PARVB: variants seen among roughly 807,000 people sequenced by gnomAD.
The protein encoded by PARVB is parvin beta.
A neutral mutation model predicts 47.0 loss-of-function variants in PARVB; 46 were observed. The ratio of observed to expected loss-of-function variants is 0.98; its 90% CI spans 0.77 to 1.25. The LOEUF (loss-of-function observed/expected upper bound fraction) is 1.25. Among genes scored for constraint, PARVB ranks in the 50% most tolerant of loss-of-function variants. PARVB has a pLI of 0.00. For synonymous variants in PARVB, 196 were observed against 196.3 expected (o/e 1.00, Z 0.01); for missense variants, 473 against 471.6 (o/e 1.00, Z -0.03).
chr22:44,087,108 T>C (rs1363548386), intron 1 of PARVB: 1 of 152,276 alleles, frequency 6.6e-6, no homozygotes, highest in Non-Finnish European at 1.5e-5. Flanking sequence ...GGTTAAGTGT[T>C]TAAAACTGGG....
intron 2 of PARVB, among the ~76,000 whole-genome samples, chr22:44,010,824 A>G (rs1293094945): frequency 6.6e-6 from 1 of 152,092 alleles, no homozygotes; most frequent in Non-Finnish European, 1.5e-5. Flanking sequence ...ACATATGAAA[A>G]TTATGTGAAA....
At chr22:44,122,632 C>T (rs1179926485) in intron 4 of PARVB, among the ~76,000 whole-genome samples, 1 of 150,150 alleles carries the variant, frequency 6.7e-6, no homozygotes, top group Non-Finnish European at 1.5e-5. Context: ...TTCTCTCCCA[C>T]GTATACACTC....
Position 44,136,528 on chromosome 22 carries a change from C to A in PARVB, c.692+10C>A. On this transcript the variant is annotated intron_variant, in intron 7 of 12. Transcript: ENST00000338758. Reference sequence around the variant, plus strand: ...TGACCACAACTACAGAGTAAGTGGACCCCTGTCTTGCCCTTCCAGGCCCTG... The same window carrying A: ...TGACCACAACTACAGAGTAAGTGGAACCCTGTCTTGCCCTTCCAGGCCCTG... 1 of 1,612,432 alleles carries A rather than the reference C, an allele frequency of 6.2e-7. No homozygotes were observed. Among genetic ancestry groups the A allele is most frequent in the South Asian group, 1.1e-5 (1 of 91,028 alleles).
At chr22:44,020,524 T>G (rs2146868544), upstream of PARVB, among the ~76,000 whole-genome samples, 1 of 152,316 alleles carries the variant, frequency 6.6e-6, no homozygotes, top group African/African-American at 2.4e-5. Flanking sequence ...GTTCTGCCTG[T>G]GCTTCTGACT....
intron 1 of PARVB, among the ~76,000 whole-genome samples, chr22:44,090,657 C>A (rs1188734897): frequency 6.6e-6 from 1 of 152,250 alleles, no homozygotes; most frequent in Non-Finnish European, 1.5e-5. Flanking sequence ...TGCCAGCTCT[C>A]GGGCCTTGCC....
At chr22:44,072,821 G>T (rs75241189) in intron 1 of PARVB, among the ~76,000 whole-genome samples, 2 of 152,056 alleles carry the variant, frequency 1.3e-5, no homozygotes, top group African/African-American at 4.8e-5. Context: ...ACAAGTTTCC[G>T]TCATGAATAA....
At chr22:44,120,310 T>A (rs979674780) in intron 4 of PARVB, among the ~76,000 whole-genome samples, 1 of 152,232 alleles carries the variant, frequency 6.6e-6, no homozygotes, top group African/African-American at 2.4e-5. Flanking sequence ...GAATCACACA[T>A]GAACGTTTGT....
intron 2 of PARVB, among the ~76,000 whole-genome samples, chr22:44,017,954 T>C (rs760292670): frequency 6.6e-6 from 1 of 152,184 alleles, no homozygotes; most frequent in Non-Finnish European, 1.5e-5. Context: ...TGTGACATTG[T>C]GTGTGCTTCT....
chr22:44,112,410 A>C (rs2052721619), intron 3 of PARVB: 1 of 151,842 alleles, frequency 6.6e-6, no homozygotes, highest in Non-Finnish European at 1.5e-5. Flanking sequence ...CCCTCCCCCC[A>C]CTCCTGTCAC....
Position 44,049,297 on chromosome 22 carries a change from G to A in PARVB, c.112+24846G>A, listed in dbSNP as rs1314416567. On this transcript the variant is annotated intron_variant, in intron 1 of 12. Coordinates refer to ENST00000338758, the MANE Select transcript of PARVB (RefSeq NM_013327.5). This position sits in a 1 kb window ranked among gnomAD's most constrained non-coding sequence, Gnocchi z 4.0. ...AGAATGAACAATACCCATAGTGCTT[G>A]GCGTAGACAATCAGCAAAGCTAGGG... Among the ~76,000 whole-genome samples the A allele has an allele frequency of 6.6e-6, 1 of 152,120 alleles. No homozygotes were observed. The highest frequency in any genetic ancestry group is 2.4e-5 in the African/African-American group (1 of 41,422).
chr22:44,031,617 A>T (rs2050828493), intron 1 of PARVB: 2 of 151,490 alleles, frequency 1.3e-5, no homozygotes, highest in Admixed American at 6.6e-5. Context: ...CAAACCTCCC[A>T]GCAGAGTCAG....
intron 1 of PARVB, among the ~76,000 whole-genome samples, chr22:44,073,995 C>T (rs1425085913): frequency 6.6e-6 from 1 of 152,238 alleles, no homozygotes; most frequent in East Asian, 1.9e-4. Flanking sequence ...CGCCGTGGGG[C>T]AGGCTGCTGG....
chr22:44,100,782 C>A (rs533434111), intron 3 of PARVB, among the ~76,000 whole-genome samples: 6 of 152,222 alleles, frequency 3.9e-5, no homozygotes, highest in Admixed American at 6.5e-5. Flanking sequence ...TTGCTCTGAT[C>A]GAAACCACGG....
At chr22:44,078,124 C>T (rs1020441499) in intron 1 of PARVB, among the ~76,000 whole-genome samples, 2 of 152,186 alleles carry the variant, frequency 1.3e-5, no homozygotes, top group Admixed American at 1.3e-4. Context: ...AGCGTGGGTC[C>T]TTGTCACATG....
chr22:44,168,849 G>A lies in PARVB; in HGVS notation c.*171G>A, dbSNP rs1175007048. ...CCTGCCCCACCCCCTGCCTCTTTTG[G>A]TTGTTGTTCTTAATCTCCTCTCCAT... On this transcript the variant is annotated 3_prime_UTR_variant, in exon 13 of 13. Transcript: ENST00000338758. 2 of 585,564 alleles carry A rather than the reference G, an allele frequency of 3.4e-6. No individual in the cohort carries two copies. Among genetic ancestry groups the A allele is most frequent in the Non-Finnish European group, 6.1e-6 (2 of 326,888 alleles). The allele number at this position is 585,564 out of a possible 1,614,324, so 36.3% of individuals were successfully genotyped here.
chr22:44,132,729 A>G (rs973362656), intron 5 of PARVB, among the ~76,000 whole-genome samples, 165 bp from the exon 6 acceptor site: 1 of 152,166 alleles, frequency 6.6e-6, no homozygotes, highest in Non-Finnish European at 1.5e-5. Context: ...CTAGAAGTAA[A>G]TTCACCAGGT....
At position 44,014,863 on chromosome 22, in the gene PARVB, T is replaced by G. The variant is rs541860318; in HGVS notation, c.211+15190T>G. Among the ~76,000 whole-genome samples, 955 of 152,244 alleles carry G rather than the reference T, an allele frequency of 6.3e-3. 4 individuals carry two copies. The highest frequency in any genetic ancestry group is 9.0e-3 in the Non-Finnish European group (613 of 68,010). ...TACAACAGACACAACAATTTTTTTT[T>G]TTTTTGAGACGGAATCTCACTCTGT... On this transcript the variant is annotated intron_variant, in intron 2 of 13. Transcript: ENST00000406477.
chr22:44,046,863 C>G (rs974816635), intron 1 of PARVB, among the ~76,000 whole-genome samples: 1 of 152,088 alleles, frequency 6.6e-6, no homozygotes, highest in African/African-American at 2.4e-5. Flanking sequence ...TGCTGAGGTC[C>G]TTATCAGTGC....
At chr22:44,057,484 TC>T (rs1449021318) in intron 1 of PARVB, among the ~76,000 whole-genome samples, 1 of 151,956 alleles carries the variant, frequency 6.6e-6, no homozygotes, top group African/African-American at 2.4e-5. Flanking sequence ...GGACGCTGTG[TC>T]CTGAGAGCTG....
Sources: allele counts gnomAD v4.1 joint callset (sites outside exome capture counted in the v4.1 genomes callset), GRCh38; gene constraint gnomAD v4.1.1; non-coding constraint Gnocchi (gnomAD v3.1); transcripts MANE v1.5; gene names NCBI Gene and HGNC (gene_info 2026-07-23, HGNC 2026-07-21).